Variants in GUCY2C observed in about 807,000 individuals in gnomAD.
The protein encoded by GUCY2C is guanylate cyclase 2C.
Under a neutral mutation model 131.1 loss-of-function variants are expected in GUCY2C, and 118 were observed. The observed-to-expected ratio is 0.90, with a 90% confidence interval of 0.78 to 1.05. The LOEUF (loss-of-function observed/expected upper bound fraction) is 1.05. GUCY2C is among the 50% of genes least tolerant of loss of function. The pLI, the probability that GUCY2C is intolerant of heterozygous loss-of-function variation, is 0.00. For synonymous variants in GUCY2C, 452 were observed against 457.8 expected, an observed-to-expected ratio of 0.99 and a Z score of 0.16; for missense variants, 1,161 against 1,304.4, an observed-to-expected ratio of 0.89 and a Z score of 1.69.
chr12:14,646,132 C>T (rs1164359012), intron 15 of GUCY2C, among the ~76,000 whole-genome samples: 1 of 152,110 alleles, frequency 6.6e-6, no homozygotes, highest in Non-Finnish European at 1.5e-5. Flanking sequence ...CACCGCGCCC[C>T]GCCTATATCT....
Position 14,622,091 on chromosome 12 carries a change from A to T in GUCY2C, c.2515T>A (p.Tyr839Asn), listed in dbSNP as rs1305008017. 6.2e-7 allele frequency: 1 copy of T among 1,610,078 alleles called. No homozygotes were observed. The highest frequency in any genetic ancestry group is 1.1e-5 in the South Asian group (1 of 90,346). The change falls in exon 22 of 27, where the codon TAC becomes AAC. Residue 839 changes from tyrosine (Y) to asparagine (N), a missense_variant. Coordinates refer to ENST00000261170, the MANE Select transcript of GUCY2C (RefSeq NM_004963.4). ...DIVGFTTICK[Y>N]STPMEVVDML... ...TCCACCACTTCCATGGGGGTGCTGT[A>T]TTTGCAGATAGTAGTGAAACCTACA... is the stretch of plus-strand genomic sequence containing the variant.
At position 14,621,178 on chromosome 12, in the gene GUCY2C, A is replaced by T; in HGVS notation, c.2640T>A (p.Gly880=). The T allele has an allele frequency of 6.2e-7, 1 of 1,613,740 alleles. No homozygotes were observed. Among genetic ancestry groups the T allele is most frequent in the African/African-American group, 1.3e-5 (1 of 75,022 alleles). Residue 880 remains glycine, a synonymous_variant, in exon 23 of 27, where the codon GGT becomes GGA. Transcript: ENST00000261170. ...TIGDAYMVAS[G]LPKRNGNRHA... ...GCCGATTGCCATTTCTCTTAGGCAA[A>T]CCACTAGCCACCATGTACGCATCAC...
chr12:14,621,438 A>C (rs1946894987), intron 22 of GUCY2C, among the ~76,000 whole-genome samples: 1 of 152,202 alleles, frequency 6.6e-6, no homozygotes, highest in Non-Finnish European at 1.5e-5. Context: ...AAAGGAATTT[A>C]GCCATTTAAA....
chr12:14,655,461 A>G (rs1298254559), intron 12 of GUCY2C, among the ~76,000 whole-genome samples: 1 of 152,186 alleles, frequency 6.6e-6, no homozygotes, highest in South Asian at 2.1e-4. Context: ...CTTTGGATAG[A>G]CATGAGGGGA....
At chr12:14,672,823 C>G (rs1948142486) in intron 9 of GUCY2C, 50 bp downstream of exon 9, 1 of 1,012,800 alleles carries the variant, frequency 9.9e-7, no homozygotes, top group Admixed American at 1.7e-5. Flanking sequence ...AGTTACCCCT[C>G]CTCACCCAGT....
intron 1 of GUCY2C, among the ~76,000 whole-genome samples, chr12:14,694,520 G>A (rs980449865): frequency 6.6e-6 from 1 of 152,216 alleles, no homozygotes. Flanking sequence ...GGATCACAGA[G>A]AGAGAAAACT....
chr12:14,690,635 A>G (rs527590678), intron 1 of GUCY2C, among the ~76,000 whole-genome samples: 21 of 151,928 alleles, frequency 1.4e-4, no homozygotes, highest in African/African-American at 5.1e-4. Flanking sequence ...TCCACCTCCC[A>G]TGTTCATGCC....
rs929107482 is a variant in GUCY2C at position 14,641,073 on chromosome 12, T to C, written c.2068+9A>G. 6.2e-7 allele frequency: 1 copy of C among 1,612,990 alleles called. No individual in the cohort carries two copies. Among genetic ancestry groups the C allele is most frequent in the Non-Finnish European group, 8.5e-7 (1 of 1,179,672 alleles). On this transcript the variant is annotated intron_variant, in intron 18 of 26. Transcript: ENST00000261170. Reference sequence around the variant, plus strand: ...CCCAGAGGGGACACATGAATGGGTTTAGATGTACCATTCCGGTCCCGACAG... The same window carrying C: ...CCCAGAGGGGACACATGAATGGGTTCAGATGTACCATTCCGGTCCCGACAG...
rs1342240414 is a variant in GUCY2C, at chr12:14,625,650, C to T, written c.2408+107G>A. The T allele has an allele frequency of 7.5e-6, 9 of 1,206,768 alleles. No individual in the cohort carries two copies. The East Asian group carries it at 1.7e-4, about 22-fold the overall frequency. 74.8% of individuals were successfully genotyped at this position (1,206,768 alleles called of 1,614,324 possible). ...GCCTGGCAGTACGTGCATTTTAAAA[C>T]CAATAATCTACTGAAGAATATATAA... On this transcript the variant is annotated intron_variant, in intron 21 of 26. Coordinates refer to ENST00000261170, the MANE Select transcript of GUCY2C (RefSeq NM_004963.4).
intron 21 of GUCY2C, among the ~76,000 whole-genome samples, chr12:14,624,519 G>A (rs557454851): frequency 1.0e-3 from 157 of 152,090 alleles, no homozygotes; most frequent in Non-Finnish European, 1.7e-3. Context: ...TTTACCCCAA[G>A]GGGTACTATT....
chr12:14,636,715 A>G (rs1017545525), intron 19 of GUCY2C, among the ~76,000 whole-genome samples: 2 of 152,190 alleles, frequency 1.3e-5, no homozygotes, highest in Non-Finnish European at 2.9e-5. Flanking sequence ...TGCAGATGAT[A>G]TGATCTTACG....
chr12:14,630,181 C>T (rs1467404129), intron 19 of GUCY2C, among the ~76,000 whole-genome samples: 3 of 151,416 alleles, frequency 2.0e-5, no homozygotes, highest in African/African-American at 7.3e-5. Flanking sequence ...AAAACAAGAT[C>T]ATAAGTGATA....
intron 15 of GUCY2C, among the ~76,000 whole-genome samples, chr12:14,650,709 T>A (rs1171052319): frequency 2.6e-5 from 4 of 152,152 alleles, no homozygotes; most frequent in Admixed American, 1.3e-4. Flanking sequence ...ATTCTCAAAG[T>A]GTTAAATATA....
chr12:14,615,839 T>G (rs1374284379), intron 25 of GUCY2C, among the ~76,000 whole-genome samples: 1 of 152,014 alleles, frequency 6.6e-6, no homozygotes, highest in Non-Finnish European at 1.5e-5. Context: ...CAAGGTGCAA[T>G]CCAAATGTAA....
At position 14,651,910 on chromosome 12, in the gene GUCY2C, G is replaced by C. The variant is rs3213778; in HGVS notation, c.1605+49C>G. On this transcript the variant is annotated intron_variant, in intron 14 of 26. Transcript: ENST00000261170. ...CCACCAGCAACCTCAGTGATTAGAGGAAATGAAGTGAAGTTATTTCTCAAG... is the reference window on the plus strand; with the variant it reads ...CCACCAGCAACCTCAGTGATTAGAGCAAATGAAGTGAAGTTATTTCTCAAG... 1,480 of 996,328 alleles carry C rather than the reference G, an allele frequency of 1.5e-3. 28 individuals are homozygous for C. The East Asian group carries it at 0.032, about 21-fold the overall frequency. The allele number at this position is 996,328 out of a possible 1,614,324, so 61.7% of individuals were successfully genotyped here. A position where few individuals can be genotyped will look rare whatever the true frequency, so the allele number is the denominator to read the frequency against.
At chr12:14,639,560 A>G (rs1226334222) in intron 19 of GUCY2C, among the ~76,000 whole-genome samples, 3 of 152,234 alleles carry the variant, frequency 2.0e-5, no homozygotes, top group Non-Finnish European at 2.9e-5. Flanking sequence ...GCAATCACAT[A>G]TGTCCTAATA....
At chr12:14,678,365 C>T (rs1468000878) in intron 6 of GUCY2C, among the ~76,000 whole-genome samples, 1 of 152,088 alleles carries the variant, frequency 6.6e-6, no homozygotes, top group African/African-American at 2.4e-5. Context: ...GCCAGGTGTC[C>T]TTTGGGAATA....
chr12:14,619,057 G>T, intron 24 of GUCY2C, 154 bp downstream of exon 24: 5 of 551,728 alleles, frequency 9.1e-6, no homozygotes, highest in Non-Finnish European at 1.6e-5. Context: ...GTAGCAAAAG[G>T]TGGATTGACA....
At position 14,650,981 on chromosome 12, in the gene GUCY2C, G is replaced by T. The variant is rs768247433; in HGVS notation, c.1710+426C>A. Among the ~76,000 whole-genome samples the T allele has an allele frequency of 3.9e-5, 6 of 152,080 alleles. No individual in the cohort carries two copies. In the East Asian group the frequency reaches 1.2e-3, roughly 29 times the overall value. On this transcript the variant is annotated intron_variant, in intron 15 of 26. Coordinates refer to ENST00000261170, the MANE Select transcript of GUCY2C (RefSeq NM_004963.4). ...CAGTCCAAATACCTGACCTCATCTG[G>T]CAACTCCCAGATGATCCTCAGTCCA...
Sources: allele counts gnomAD v4.1 joint callset (sites outside exome capture counted in the v4.1 genomes callset), GRCh38; gene constraint gnomAD v4.1.1; transcripts MANE v1.5; gene names NCBI Gene and HGNC (gene_info 2026-07-23, HGNC 2026-07-21).